Variants in PPP6C observed in about 807,000 individuals in gnomAD.
The protein encoded by PPP6C is serine/threonine-protein phosphatase 6 catalytic subunit.
PPP6C carries 11 observed loss-of-function variants against 39.8 expected under a neutral mutation model. The observed-to-expected ratio is 0.28, with a 90% CI of 0.17 to 0.46. PPP6C has a LOEUF of 0.46. PPP6C is among the 20% of genes least tolerant of loss of function. The pLI, the probability that PPP6C is intolerant of heterozygous loss-of-function variation, is 1.00. For missense variants in PPP6C, 211 were observed against 373.9 expected, an observed-to-expected ratio of 0.56 and a Z score of 3.59; for synonymous variants, 129 against 130.3, an observed-to-expected ratio of 0.99 and a Z score of 0.07.
At chr9:125,189,476 G>C in intron 1 of PPP6C, 168 bp downstream of exon 1, 1 of 1,443,982 alleles carries the variant, frequency 6.9e-7, no homozygotes. Context: ...TCGACGACTC[G>C]GCTCGCGAGA....
intron 1 of PPP6C, 60 bp downstream of exon 1, chr9:125,189,580 AAAGG>A: frequency 6.2e-7 from 1 of 1,606,472 alleles, no homozygotes. Flanking sequence ...GGTCCTGGAG[AAAGG>A]AAGGGCCGGC....
At chr9:125,167,389 A>AAAAAAAAAAAAAAAAAAAG (rs1554722081) in intron 2 of PPP6C, among the ~76,000 whole-genome samples, 1 of 138,056 alleles carries the variant, frequency 7.2e-6, no homozygotes, top group Admixed American at 7.3e-5. Flanking sequence ...CAAAAAAAAA[A>AAAAAAAAAAAAAAAAAAAG]AAAAAAAAAA....
At chr9:125,184,966 C>CAA (rs34609209) in intron 1 of PPP6C, among the ~76,000 whole-genome samples, 111 of 69,698 alleles carry the variant, frequency 1.6e-3, no homozygotes, top group African/African-American at 3.1e-3. Context: ...GATTCAGTCT[C>CAA]AAAAAAAAAA....
intron 6 of PPP6C, chr9:125,151,340 C>A (rs534090060): frequency 5.3e-5 from 73 of 1,378,952 alleles, no homozygotes; most frequent in Non-Finnish European, 7.2e-5. Flanking sequence ...AGCTGACAAA[C>A]TTCTCTCAGC....
chr9:125,167,726 T>G (rs1829053684), intron 2 of PPP6C, among the ~76,000 whole-genome samples: 1 of 149,302 alleles, frequency 6.7e-6, no homozygotes, highest in South Asian at 2.1e-4. Flanking sequence ...TTTTTTTTTT[T>G]TAGAGATGGG....
chr9:125,162,260 C>T (rs761725990), intron 2 of PPP6C, among the ~76,000 whole-genome samples: 2 of 151,808 alleles, frequency 1.3e-5, no homozygotes, highest in East Asian at 1.9e-4. Context: ...GAGTTCAAGA[C>T]CAGCTTAGCC....
Position 125,173,904 on chromosome 9 carries a change from C to A in PPP6C, c.76-2724G>T, listed in dbSNP as rs191676052. ...GTGCTGGGATTACAGGCGTGAGCCA[C>A]CGCACCCAGCCAAGCCATTCTTTTT... is the stretch of plus-strand genomic sequence containing the variant. On this transcript the variant is annotated intron_variant, in intron 1 of 6. Transcript: ENST00000373547. Among the ~76,000 whole-genome samples the A allele has an allele frequency of 2.6e-5, 4 of 152,314 alleles. No homozygotes were observed. In the East Asian group the frequency reaches 7.8e-4, roughly 30 times the overall value.
At chr9:125,186,988 C>T (rs1829544911) in intron 1 of PPP6C, among the ~76,000 whole-genome samples, 1 of 137,286 alleles carries the variant, frequency 7.3e-6, no homozygotes. Flanking sequence ...CCTCTGTCAC[C>T]CAGGCTGGAC....
intron 1 of PPP6C, among the ~76,000 whole-genome samples, chr9:125,177,843 C>A (rs1024345623): frequency 6.6e-6 from 1 of 152,190 alleles, no homozygotes; most frequent in African/African-American, 2.4e-5. Context: ...AACCACTGAT[C>A]TTTTTACTGT....
At chr9:125,163,556 G>A (rs1375066518) in intron 2 of PPP6C, among the ~76,000 whole-genome samples, 1 of 151,884 alleles carries the variant, frequency 6.6e-6, no homozygotes, top group Non-Finnish European at 1.5e-5. Flanking sequence ...TCAGCCTCCC[G>A]AGTAGCTGGG....
intron 1 of PPP6C, among the ~76,000 whole-genome samples, chr9:125,187,148 T>A (rs568846844): frequency 6.6e-6 from 1 of 151,536 alleles, no homozygotes; most frequent in South Asian, 2.1e-4. Flanking sequence ...GGTTTCACCA[T>A]GTTGGCCAGG....
At chr9:125,172,794 T>C (rs963756192) in intron 1 of PPP6C, among the ~76,000 whole-genome samples, 3 of 150,700 alleles carry the variant, frequency 2.0e-5, no homozygotes, top group Admixed American at 2.0e-4. Flanking sequence ...ACTGAAGAAA[T>C]CTGAACATCA....
intron 6 of PPP6C, chr9:125,150,878 C>CT: frequency 1.2e-6 from 1 of 827,580 alleles, no homozygotes; most frequent in Non-Finnish European, 2.1e-6. Flanking sequence ...CTAATACCTG[C>CT]AAGACTGCTT....
At chr9:125,169,889 A>C (rs1829105553) in intron 2 of PPP6C, among the ~76,000 whole-genome samples, 1 of 152,108 alleles carries the variant, frequency 6.6e-6, no homozygotes, top group African/African-American at 2.4e-5. Flanking sequence ...ACCTTGAAAA[A>C]CCAAAAGAAA....
chr9:125,176,426 T>C (rs1348627066), intron 1 of PPP6C, among the ~76,000 whole-genome samples: 1 of 151,964 alleles, frequency 6.6e-6, no homozygotes, highest in Non-Finnish European at 1.5e-5. Context: ...GAGGCCGAGG[T>C]GAGCGTATCA....
chr9:125,185,053 C>A (rs897970331), intron 1 of PPP6C, among the ~76,000 whole-genome samples: 6 of 150,636 alleles, frequency 4.0e-5, no homozygotes, highest in Non-Finnish European at 7.4e-5. Flanking sequence ...AGTTATAGAA[C>A]CCCTGCTCCC....
At chr9:125,155,434 G>C (rs1836044847) in intron 4 of PPP6C, among the ~76,000 whole-genome samples, 1 of 152,112 alleles carries the variant, frequency 6.6e-6, no homozygotes, top group African/African-American at 2.4e-5. Context: ...TGCCATAAGA[G>C]AGCCCTAACA....
At chr9:125,150,826 G>A (rs1835918346) in intron 6 of PPP6C, 3 of 761,600 alleles carry the variant, frequency 3.9e-6, no homozygotes, top group South Asian at 2.7e-5. Context: ...CAGAGTGGTT[G>A]TGGCAAAATC....
In PPP6C at chr9:125,164,218, CTTTTTTTTTTTTTT is replaced by C. The variant is rs10684647; in HGVS notation, c.172-3326_172-3313del. Among the ~76,000 whole-genome samples the C allele has an allele frequency of 1.5e-4, 11 of 74,752 alleles. No individual in the cohort carries two copies. The Admixed American group carries it at 1.5e-3, about 10-fold the overall frequency. 49.0% of individuals were successfully genotyped at this position (74,752 alleles called of 152,430 possible). A position where few individuals can be genotyped will look rare whatever the true frequency, so the allele number is the denominator to read the frequency against. On this transcript the variant is annotated intron_variant, in intron 2 of 6. Coordinates refer to ENST00000373547, the MANE Select transcript of PPP6C (RefSeq NM_002721.5). Reference sequence around the variant, plus strand: ...CTACTCTATGTCTCTCCCTCACTCTCTTTTTTTTTTTTTTTTTTTTTTTTTTGAGACGGAGTCTC... The same window carrying C: ...CTACTCTATGTCTCTCCCTCACTCTCTTTTTTTTTTTTGAGACGGAGTCTC...
Sources: allele counts gnomAD v4.1 joint callset (sites outside exome capture counted in the v4.1 genomes callset), GRCh38; gene constraint gnomAD v4.1.1; transcripts MANE v1.5; gene names NCBI Gene and HGNC (gene_info 2026-07-23, HGNC 2026-07-21).